SPRED1: variants seen among roughly 807,000 people sequenced by gnomAD.
SPRED1 encodes the protein sprouty related EVH1 domain containing 1.
Under a neutral mutation model 52.3 loss-of-function variants are expected in SPRED1, and 18 were observed. The observed-to-expected ratio is 0.34, with a 90% confidence interval of 0.24 to 0.51. The LOEUF (loss-of-function observed/expected upper bound fraction) is 0.51. SPRED1 is among the 20% of genes least tolerant of loss of function. The pLI is 0.97. For synonymous variants in SPRED1, 155 were observed against 179.7 expected, an observed-to-expected ratio of 0.86 and a Z score of 1.10; for missense variants, 485 against 551.0, an observed-to-expected ratio of 0.88 and a Z score of 1.20.
In SPRED1 at chr15:38,352,341, T is replaced by C. The variant is rs1566877427; in HGVS notation, c.*677T>C. ...TATTCCATGCGAATGATTTGATATT[T>C]TCATCCTTATTTCTCTTTGGCTACA... On this transcript the variant is annotated 3_prime_UTR_variant, in exon 7 of 7. Coordinates refer to ENST00000299084, the MANE Select transcript of SPRED1 (RefSeq NM_152594.3). 6.6e-6 allele frequency: 1 copy of C among 152,538 alleles called. No homozygotes were observed. Among genetic ancestry groups the C allele is most frequent in the Non-Finnish European group, 1.5e-5 (1 of 68,020 alleles). 9.4% of individuals were successfully genotyped at this position (152,538 alleles called of 1,614,324 possible).
At chr15:38,319,441 A>G (rs1895556630) in intron 2 of SPRED1, among the ~76,000 whole-genome samples, 1 of 152,168 alleles carries the variant, frequency 6.6e-6, no homozygotes, top group Non-Finnish European at 1.5e-5. Context: ...GTGCAATGGC[A>G]TGATCTCGGC....
At chr15:38,265,187 T>A (rs974590408) in intron 1 of SPRED1, among the ~76,000 whole-genome samples, 1 of 152,154 alleles carries the variant, frequency 6.6e-6, no homozygotes, top group Non-Finnish European at 1.5e-5. Flanking sequence ...CATTGGCAAA[T>A]AACATAACCT....
chr15:38,266,643 AAAACAAACAAACAAAC>A (rs60503156), intron 1 of SPRED1, among the ~76,000 whole-genome samples: 44 of 151,884 alleles, frequency 2.9e-4, no homozygotes, highest in African/African-American at 1.0e-3. Context: ...TCTGTCTCAA[AAAACAAACAAACAAAC>A]AAACAAACAA....
At chr15:38,291,624 C>G (rs1389983246) in intron 1 of SPRED1, among the ~76,000 whole-genome samples, 1 of 152,240 alleles carries the variant, frequency 6.6e-6, no homozygotes, top group Non-Finnish European at 1.5e-5. Flanking sequence ...CTTCTGTGCA[C>G]CCACAGGTTC....
chr15:38,325,998 G>A (rs1191590437), intron 4 of SPRED1: 3 of 152,152 alleles, frequency 2.0e-5, no homozygotes, highest in South Asian at 2.1e-4. Flanking sequence ...CTAAAACATG[G>A]GAATGACTTT....
intron 4 of SPRED1, among the ~76,000 whole-genome samples, chr15:38,331,186 A>T (rs895796996): frequency 6.6e-6 from 1 of 152,150 alleles, no homozygotes; most frequent in Non-Finnish European, 1.5e-5. Flanking sequence ...AACTATTGGC[A>T]TGGGTTACTT....
intron 1 of SPRED1, among the ~76,000 whole-genome samples, chr15:38,280,030 G>A (rs1324136095): frequency 6.6e-6 from 1 of 152,148 alleles, no homozygotes; most frequent in Non-Finnish European, 1.5e-5. Context: ...TGGAAACTTG[G>A]TCTTCATGAC....
Position 38,351,629 on chromosome 15 carries a change from G to T in SPRED1, c.1300G>T (p.Gly434Cys). The T allele has an allele frequency of 6.2e-7, 1 of 1,613,840 alleles. No homozygotes were observed. Among genetic ancestry groups the T allele is most frequent in the African/African-American group, 1.3e-5 (1 of 75,042 alleles). ...GTGCCATCGCTGTGGTGAGGCATGT[G>T]GTTGCTGTGGTGGGAAACATAAAGC... ...RMCHRCGEAC[G>C]CCGGKHKAAG The change falls in exon 7 of 7, where the codon GGT becomes TGT. Residue 434 changes from glycine to cysteine, a missense_variant. Coordinates refer to ENST00000299084, the MANE Select transcript of SPRED1 (RefSeq NM_152594.3).
chr15:38,260,268 G>T (rs765386329), intron 1 of SPRED1, among the ~76,000 whole-genome samples: 7 of 152,204 alleles, frequency 4.6e-5, no homozygotes, highest in Non-Finnish European at 1.0e-4. Flanking sequence ...TCTGGTGGTT[G>T]TTGGGAACCT....
chr15:38,343,232 A>C (rs1313049479), intron 5 of SPRED1, among the ~76,000 whole-genome samples: 1 of 152,114 alleles, frequency 6.6e-6, no homozygotes, highest in Admixed American at 6.6e-5. Context: ...ACTGGAGAGG[A>C]AACAAAGATG....
intron 2 of SPRED1, among the ~76,000 whole-genome samples, chr15:38,321,150 T>C (rs1168520108): frequency 6.6e-6 from 1 of 152,202 alleles, no homozygotes; most frequent in Non-Finnish European, 1.5e-5. Context: ...GAACATAATA[T>C]ATGTAACTCC....
intron 1 of SPRED1, among the ~76,000 whole-genome samples, chr15:38,262,650 C>T (rs79489349): frequency 0.012 from 1,799 of 150,364 alleles, 15 homozygotes; most frequent in Middle Eastern, 0.024. Flanking sequence ...ATATCACCAA[C>T]TGTGGGGCAA....
chr15:38,285,699 G>A (rs973101513), intron 1 of SPRED1, among the ~76,000 whole-genome samples: 3 of 152,124 alleles, frequency 2.0e-5, no homozygotes, highest in African/African-American at 7.2e-5. Context: ...GGCTCTTGGA[G>A]GTTTCTGAGC....
chr15:38,297,975 ATTC>A (rs1895072780), intron 1 of SPRED1, among the ~76,000 whole-genome samples: 2 of 152,202 alleles, frequency 1.3e-5, no homozygotes, highest in African/African-American at 4.8e-5. Context: ...TTAAAAGTAT[ATTC>A]TCTAAAAAAT....
At chr15:38,332,704 T>G (rs1044467764) in intron 4 of SPRED1, among the ~76,000 whole-genome samples, 3 of 152,212 alleles carry the variant, frequency 2.0e-5, no homozygotes, top group Non-Finnish European at 2.9e-5. Context: ...TGTCACAGAT[T>G]ATAGAATTTT....
chr15:38,279,108 G>C (rs1008780696), intron 1 of SPRED1, among the ~76,000 whole-genome samples: 4 of 152,128 alleles, frequency 2.6e-5, no homozygotes, highest in African/African-American at 9.7e-5. Flanking sequence ...TTACAGGCGT[G>C]AGCCACCATG....
intron 1 of SPRED1, among the ~76,000 whole-genome samples, chr15:38,269,905 C>CTTTTTTTT (rs10566946): frequency 9.8e-5 from 9 of 92,014 alleles, no homozygotes; most frequent in African/African-American, 3.5e-4. Context: ...TTCTTTCTTT[C>CTTTTTTTT]TTTTTTTTTT....
chr15:38,269,980 C>G (rs1894398612), intron 1 of SPRED1, among the ~76,000 whole-genome samples: 1 of 147,120 alleles, frequency 6.8e-6, no homozygotes, highest in Non-Finnish European at 1.5e-5. Context: ...CGATCTTAGA[C>G]CACTGCAACC....
chr15:38,353,154 T>G lies in SPRED1; in HGVS notation c.*1490T>G, dbSNP rs555380695. 6.6e-6 allele frequency: 1 copy of G among 152,610 alleles called. No homozygotes were observed. Among genetic ancestry groups the G allele is most frequent in the East Asian group, 1.9e-4 (1 of 5,182 alleles). The allele number at this position is 152,610 out of a possible 1,614,324, so 9.5% of individuals were successfully genotyped here. A position where few individuals can be genotyped will look rare whatever the true frequency, so the allele number is the denominator to read the frequency against. On this transcript the variant is annotated 3_prime_UTR_variant, in exon 7 of 7. Coordinates refer to ENST00000299084, the MANE Select transcript of SPRED1 (RefSeq NM_152594.3). Reference sequence around the variant, plus strand: ...AGAAGTGTGCCTTTTTTTTAATGGCTTGAAGTTTCAGAGGTGATAAAAATT... The same window carrying G: ...AGAAGTGTGCCTTTTTTTTAATGGCGTGAAGTTTCAGAGGTGATAAAAATT...
Sources: gnomAD v4.1 joint callset for allele counts (sites outside exome capture counted in the v4.1 genomes callset) on GRCh38, gnomAD v4.1.1 for gene constraint, MANE v1.5 for transcripts, NCBI Gene and HGNC (gene_info 2026-07-23, HGNC 2026-07-21) for gene names.